YIPF1: variants seen among roughly 807,000 people sequenced by gnomAD.
The protein encoded by YIPF1 is protein YIPF1.
In YIPF1, 22 loss-of-function variants were observed where a neutral mutation model predicts 37.0. The ratio of observed to expected loss-of-function variants is 0.59; its 90% CI spans 0.42 to 0.85. The LOEUF is 0.85. Among genes scored for constraint, YIPF1 ranks in the 40% least tolerant of loss-of-function variants. YIPF1 has a pLI of 0.00. For missense variants in YIPF1, 355 were observed against 373.1 expected, an observed-to-expected ratio of 0.95 and a Z score of 0.40; for synonymous variants, 128 against 131.9, an observed-to-expected ratio of 0.97 and a Z score of 0.21.
intron 7 of YIPF1, among the ~76,000 whole-genome samples, chr1:53,869,361 A>G (rs773460689): frequency 4.9e-4 from 74 of 151,970 alleles, no homozygotes; most frequent in Non-Finnish European, 8.5e-4. Flanking sequence ...GTAATAGTTA[A>G]TGTTTATTGA....
chr1:53,878,260 TC>T (rs1470424511), intron 6 of YIPF1, 54 bp downstream of exon 6: 3 of 1,578,806 alleles, frequency 1.9e-6, no homozygotes, highest in African/African-American at 2.7e-5. Context: ...CAGGCAACCC[TC>T]ACACTCACCC....
intron 10 of YIPF1, among the ~76,000 whole-genome samples, chr1:53,853,253 A>G (rs1352728742): frequency 6.6e-6 from 1 of 152,238 alleles, no homozygotes; most frequent in Non-Finnish European, 1.5e-5. Context: ...AATATTATTT[A>G]TTTAATTATA....
intron 10 of YIPF1, among the ~76,000 whole-genome samples, chr1:53,857,121 G>A (rs1002818769): frequency 2.0e-5 from 3 of 152,188 alleles, no homozygotes; most frequent in Non-Finnish European, 4.4e-5. Context: ...CTCATTCTAC[G>A]AAGCCACAGG....
In YIPF1 at chr1:53,868,454, G is replaced by A. The variant is rs186318483; in HGVS notation, c.482-1530C>T. ...AATATACTACCTTCTAAGATTAATA[G>A]GAGAATTAAATGAATAAAAGCAGGT... On this transcript the variant is annotated intron_variant, in intron 7 of 10. Transcript: ENST00000072644. Among the ~76,000 whole-genome samples the A allele has an allele frequency of 7.5e-4, 114 of 152,218 alleles. 1 individual carries two copies. Among genetic ancestry groups the A allele is most frequent in the African/African-American group, 2.7e-3 (114 of 41,526 alleles).
intron 6 of YIPF1, among the ~76,000 whole-genome samples, chr1:53,872,859 T>C (rs918899817): frequency 2.0e-5 from 3 of 152,318 alleles, no homozygotes; most frequent in Non-Finnish European, 2.9e-5. Context: ...ACTGAAAGCT[T>C]TCTGCTGTAG....
At position 53,871,385 on chromosome 1, in the gene YIPF1, G is replaced by A. The variant is rs371243314; in HGVS notation, c.468C>T (p.Pro156=). The change falls in exon 7 of 11, where the codon CCC becomes CCT. Residue 156 remains proline (P), a synonymous_variant. Coordinates refer to ENST00000072644, the MANE Select transcript of YIPF1 (RefSeq NM_018982.5). ...CTATTCACCAACCTTTTCGGAATTC[G>A]GGCACATAATGGTACGTCTTCTCTC... is the stretch of plus-strand genomic sequence containing the variant. ...HLGEKTYHYV[P]EFRKVSIAAT... 3.1e-6 allele frequency: 5 copies of A among 1,612,774 alleles called. No homozygotes were observed. The highest frequency in any genetic ancestry group is 2.2e-5 in the East Asian group (1 of 44,864).
intron 6 of YIPF1, among the ~76,000 whole-genome samples, chr1:53,871,863 C>T (rs1650200172): frequency 6.6e-6 from 1 of 151,948 alleles, no homozygotes; most frequent in Admixed American, 6.6e-5. Flanking sequence ...CTTCGCTTAT[C>T]TAAGTGCCAA....
At chr1:53,867,310 A>G (rs1650054817) in intron 7 of YIPF1, among the ~76,000 whole-genome samples, 1 of 151,346 alleles carries the variant, frequency 6.6e-6, no homozygotes, top group African/African-American at 2.4e-5. Context: ...AAAACCAACT[A>G]TCCCCTTGGA....
chr1:53,888,713 G>C (rs978066679), intron 3 of YIPF1, among the ~76,000 whole-genome samples, 194 bp downstream of exon 3: 2 of 152,114 alleles, frequency 1.3e-5, no homozygotes, highest in Non-Finnish European at 2.9e-5. Context: ...CAATCTGAAG[G>C]GTTATCTGGC....
intron 1 of YIPF1, 119 bp downstream of exon 1, chr1:53,889,594 G>C (rs1229734100): frequency 6.6e-6 from 1 of 152,488 alleles, no homozygotes; most frequent in Admixed American, 6.5e-5. Context: ...TGCAGCCCGG[G>C]ACACCGCGAA....
chr1:53,863,284 T>A (rs1024094482), intron 9 of YIPF1, among the ~76,000 whole-genome samples: 4 of 152,194 alleles, frequency 2.6e-5, no homozygotes, highest in Non-Finnish European at 5.9e-5. Flanking sequence ...AAGGGCATTG[T>A]CATTAAGAGT....
intron 9 of YIPF1, 104 bp downstream of exon 9, chr1:53,866,096 A>G: frequency 7.1e-7 from 1 of 1,413,468 alleles, no homozygotes; most frequent in Non-Finnish European, 9.6e-7. Context: ...CAACATGCCC[A>G]GCCCATGGAC....
At chr1:53,852,733 T>C (rs887229265) in intron 10 of YIPF1, among the ~76,000 whole-genome samples, 7 of 151,818 alleles carry the variant, frequency 4.6e-5, no homozygotes, top group Admixed American at 1.3e-4. Context: ...CAGGGATAGA[T>C]TGTGGCAATG....
chr1:53,870,170 T>C lies in YIPF1; in HGVS notation c.481+1202A>G, dbSNP rs1357482702. Among the ~76,000 whole-genome samples the C allele has an allele frequency of 1.1e-3, 131 of 121,088 alleles. 10 individuals carry two copies. Among genetic ancestry groups the C allele is most frequent in the East Asian group, 5.3e-3 (23 of 4,358 alleles). The allele number at this position is 121,088 out of a possible 152,430, so 79.4% of individuals were successfully genotyped here. On this transcript the variant is annotated intron_variant, in intron 7 of 10. Transcript: ENST00000072644. ...CACCGCACCGGGTCTCTTTTTTTTTTTTTTTTTTTTTTTTTTTTTGAGACA... is the reference window on the plus strand; with the variant it reads ...CACCGCACCGGGTCTCTTTTTTTTTCTTTTTTTTTTTTTTTTTTTGAGACA...
chr1:53,866,963 C>G, intron 7 of YIPF1, 39 bp from the exon 8 acceptor site: 1 of 1,578,942 alleles, frequency 6.3e-7, no homozygotes, highest in Non-Finnish European at 8.6e-7. Context: ...CTCCATCATG[C>G]CTTTAGTAGA....
intron 3 of YIPF1, among the ~76,000 whole-genome samples, chr1:53,888,655 T>C (rs1417981631): frequency 1.3e-5 from 2 of 152,222 alleles, no homozygotes; most frequent in East Asian, 3.8e-4. Flanking sequence ...GCAGGAACTG[T>C]GTAAGCATTT....
chr1:53,869,152 TCTCTCTCTCACA>T (rs1231352336), intron 7 of YIPF1, among the ~76,000 whole-genome samples: 14 of 128,678 alleles, frequency 1.1e-4, no homozygotes, highest in East Asian at 2.6e-4. Context: ...TCTCTCTCTC[TCTCTCTCTCACA>T]CACACACACA....
chr1:53,855,974 T>C (rs1649708179), intron 10 of YIPF1, among the ~76,000 whole-genome samples: 1 of 152,138 alleles, frequency 6.6e-6, no homozygotes, highest in Admixed American at 6.5e-5. Context: ...ATGGGGAAGG[T>C]AGGTTACTGG....
Position 53,851,842 on chromosome 1 carries a change from G to A in YIPF1, c.*437C>T, listed in dbSNP as rs1025630529. 2.6e-5 allele frequency: 4 copies of A among 152,086 alleles called. No individual in the cohort carries two copies. Among genetic ancestry groups the A allele is most frequent in the African/African-American group, 9.7e-5 (4 of 41,410 alleles). 9.4% of individuals were successfully genotyped at this position (152,086 alleles called of 1,614,324 possible). A position where few individuals can be genotyped will look rare whatever the true frequency, so the allele number is the denominator to read the frequency against. The stretch of plus-strand genomic sequence containing the variant: ...ATCCCCACCAAAGTTTCTACTGTTC[G>A]GCTACTTCAGGATGGCTAACATTTG... On this transcript the variant is annotated 3_prime_UTR_variant, in exon 11 of 11. Coordinates refer to ENST00000072644, the MANE Select transcript of YIPF1 (RefSeq NM_018982.5).
Sources: gnomAD v4.1 joint callset for allele counts (sites outside exome capture counted in the v4.1 genomes callset) on GRCh38, gnomAD v4.1.1 for gene constraint, MANE v1.5 for transcripts, NCBI Gene and HGNC (gene_info 2026-07-23, HGNC 2026-07-21) for gene names.